Variants in NEDD9 observed in about 807,000 individuals in gnomAD.
NEDD9 encodes neural precursor cell expressed, developmentally down-regulated 9.
In NEDD9, 26 loss-of-function variants were observed where a neutral mutation model predicts 76.6. The observed-to-expected ratio is 0.34, with a 90% CI of 0.25 to 0.47. The LOEUF (loss-of-function observed/expected upper bound fraction) is 0.47. Ranked by LOEUF, NEDD9 falls within the 20% of genes least tolerant of loss-of-function variation. The pLI, the probability that NEDD9 is intolerant of heterozygous loss-of-function variation, is 1.00. For synonymous variants in NEDD9, 392 were observed against 414.2 expected (o/e 0.95, Z 0.65); for missense variants, 937 against 1,058.5 (o/e 0.89, Z 1.59).
intron 3 of NEDD9, among the ~76,000 whole-genome samples, chr6:11,285,503 C>T (rs1175353845): frequency 9.2e-5 from 14 of 152,068 alleles, no homozygotes; most frequent in Admixed American, 8.5e-4. Context: ...TTCTGAACTT[C>T]ATATAGAAAC....
chr6:11,200,255 C>T (rs749988437), intron 2 of NEDD9: 8 of 456,286 alleles, frequency 1.8e-5, no homozygotes, highest in South Asian at 1.2e-4. Flanking sequence ...TAAGGATTAA[C>T]TGGAAGTAAA....
intron 1 of NEDD9, among the ~76,000 whole-genome samples, chr6:11,361,297 C>T (rs1762675996): frequency 6.6e-6 from 1 of 152,036 alleles, no homozygotes; most frequent in Non-Finnish European, 1.5e-5. Context: ...TAAGGAAATG[C>T]CCGAGACTGG....
chr6:11,275,032 C>T (rs879865469), intron 3 of NEDD9, among the ~76,000 whole-genome samples: 1 of 152,144 alleles, frequency 6.6e-6, no homozygotes, highest in Non-Finnish European at 1.5e-5. Flanking sequence ...ATAAAGAAAA[C>T]GCAGGACATA....
upstream of NEDD9, chr6:11,233,187 A>T: frequency 1.9e-6 from 1 of 514,100 alleles, no homozygotes; most frequent in South Asian, 1.4e-5. Context: ...CCTCCCGCCT[A>T]CTTTTTGTGT....
intron 2 of NEDD9, among the ~76,000 whole-genome samples, chr6:11,212,669 TTATAAGAA>T (rs1320997834): frequency 6.6e-6 from 1 of 152,232 alleles, no homozygotes; most frequent in Non-Finnish European, 1.5e-5. Context: ...TCAGGCATTA[TTATAAGAA>T]TGACTTGAAG....
At chr6:11,275,778 C>G (rs7740959) in intron 3 of NEDD9, among the ~76,000 whole-genome samples, 1,883 of 152,250 alleles carry the variant, frequency 0.012, 40 homozygotes, top group African/African-American at 0.044. Flanking sequence ...AAGCTGCAAG[C>G]TGGGAAATTC....
chr6:11,238,590 T>G (rs1759653940), intron 3 of NEDD9, among the ~76,000 whole-genome samples: 1 of 152,190 alleles, frequency 6.6e-6, no homozygotes. Context: ...CTTTCATCAC[T>G]CTGCCCCACT....
chr6:11,248,297 C>T (rs978167237), intron 3 of NEDD9, among the ~76,000 whole-genome samples: 1 of 152,044 alleles, frequency 6.6e-6, no homozygotes, highest in Non-Finnish European at 1.5e-5. Context: ...CTAAGTGCGC[C>T]ATCTCTTCTC....
intron 2 of NEDD9, among the ~76,000 whole-genome samples, chr6:11,324,150 G>C (rs1761873211): frequency 6.6e-6 from 1 of 152,192 alleles, no homozygotes; most frequent in South Asian, 2.1e-4. Context: ...GCTAGTATCT[G>C]GCTTCCGTGA....
chr6:11,228,823 T>C (rs1001753171), intron 1 of NEDD9, among the ~76,000 whole-genome samples: 8 of 152,212 alleles, frequency 5.3e-5, no homozygotes, highest in African/African-American at 1.9e-4. Context: ...AATAACCAAG[T>C]TGATATTTTT....
At chr6:11,306,082 T>C (rs966190790) in exon 3 of NEDD9, 3 of 1,519,340 alleles carry the variant, frequency 2.0e-6, no homozygotes, top group South Asian at 2.2e-5. Flanking sequence ...AGTTTCTTCG[T>C]TTTCATAACT....
intron 3 of NEDD9, among the ~76,000 whole-genome samples, chr6:11,300,151 G>C (rs1167762501): frequency 6.6e-6 from 1 of 152,200 alleles, no homozygotes; most frequent in East Asian, 1.9e-4. Flanking sequence ...AATAAACAGT[G>C]TAGAGAAGAC....
In NEDD9 at chr6:11,198,070, G is replaced by A. The variant is rs1758332941; in HGVS notation, c.460-4378C>T. Among the ~76,000 whole-genome samples the A allele has an allele frequency of 6.6e-6, 1 of 152,114 alleles. No individual in the cohort carries two copies. Among genetic ancestry groups the A allele is most frequent in the Admixed American group, 6.6e-5 (1 of 15,262 alleles). On this transcript the variant is annotated intron_variant, in intron 2 of 6. Coordinates refer to ENST00000379446, the MANE Select transcript of NEDD9 (RefSeq NM_006403.4). This position sits in a 1 kb window ranked among gnomAD's most constrained non-coding sequence, Gnocchi z 4.7. ...AGGGTGTAGGGAAGAAACAAGCCAG[G>A]CTTTGGTGCCGGGGAGACAGAACTC...
chr6:11,209,110 T>G (rs890710145), intron 2 of NEDD9, among the ~76,000 whole-genome samples: 5 of 152,176 alleles, frequency 3.3e-5, no homozygotes, highest in Non-Finnish European at 5.9e-5. Flanking sequence ...TATGATGAAA[T>G]AGTTATAAGC....
At chr6:11,314,819 C>T (rs1369674798) in intron 2 of NEDD9, among the ~76,000 whole-genome samples, 1 of 152,018 alleles carries the variant, frequency 6.6e-6, no homozygotes, top group Non-Finnish European at 1.5e-5. Context: ...GGCAGTTCAG[C>T]CATTCCTGAG....
intron 3 of NEDD9, 36 bp downstream of exon 3, chr6:11,193,555 G>T: frequency 6.6e-7 from 1 of 1,505,014 alleles, no homozygotes; most frequent in Non-Finnish European, 9.2e-7. Context: ...ACCCTTAGAA[G>T]CGCTTCTCCT....
At chr6:11,297,705 C>T (rs561730098) in intron 3 of NEDD9, among the ~76,000 whole-genome samples, 5 of 152,256 alleles carry the variant, frequency 3.3e-5, no homozygotes, top group African/African-American at 9.6e-5. Context: ...GGGCTTAGTA[C>T]GTGCCAAACA....
chr6:11,202,423 A>T (rs1329503183), intron 2 of NEDD9, among the ~76,000 whole-genome samples: 1 of 152,206 alleles, frequency 6.6e-6, no homozygotes, highest in Non-Finnish European at 1.5e-5. Flanking sequence ...GAACTATTTG[A>T]TCCCTTCCCT....
chr6:11,233,561 A>G (rs965727029), upstream of NEDD9: 7 of 517,458 alleles, frequency 1.4e-5, no homozygotes, highest in African/African-American at 9.6e-5. Context: ...AGGATGACCC[A>G]TTAACCCACC....
Sources: gnomAD v4.1 joint callset for allele counts (sites outside exome capture counted in the v4.1 genomes callset) on GRCh38, gnomAD v4.1.1 for gene constraint, Gnocchi (gnomAD v3.1) non-coding constraint, MANE v1.5 for transcripts, NCBI Gene and HGNC (gene_info 2026-07-23, HGNC 2026-07-21) for gene names.